The following ZKSCAN3 variants were observed in gnomAD, a reference collection of about 807,000 sequenced individuals.
ZKSCAN3 encodes zinc finger with KRAB and SCAN domains 3.
A neutral mutation model predicts 30.7 loss-of-function variants in ZKSCAN3; 21 were observed. The ratio of observed to expected loss-of-function variants is 0.68; its 90% confidence interval spans 0.49 to 0.99. The LOEUF is 0.99. Among genes scored for constraint, ZKSCAN3 ranks in the 50% least tolerant of loss-of-function variants. ZKSCAN3 has a pLI of 0.00. For synonymous variants in ZKSCAN3, 201 were observed against 246.7 expected (o/e 0.81, Z 1.73); for missense variants, 507 against 647.1 (o/e 0.78, Z 2.35).
Position 28,359,567 on chromosome 6 carries a change from G to T in ZKSCAN3, c.-20G>T. ...AGCGCTGGAAGCTAGAGTGAGGCCT[G>T]AGTACTGCCTTGGCCTAGGATGGCT... On this transcript the variant is annotated 5_prime_UTR_variant, in exon 2 of 6. Transcript: ENST00000252211. The T allele has an allele frequency of 6.2e-7, 1 of 1,607,550 alleles. No homozygotes were observed.
In ZKSCAN3 at chr6:28,366,508, G is replaced by C; in HGVS notation, c.*223G>C. The C allele has an allele frequency of 2.5e-6, 1 of 407,810 alleles. No homozygotes were observed. The highest frequency in any genetic ancestry group is 4.2e-6 in the Non-Finnish European group (1 of 237,140). The allele number at this position is 407,810 out of a possible 1,614,324, so 25.3% of individuals were successfully genotyped here. On this transcript the variant is annotated 3_prime_UTR_variant, in exon 6 of 6. Coordinates refer to ENST00000252211, the MANE Select transcript of ZKSCAN3 (RefSeq NM_024493.4). ...GAGGCTACGGGAGAGTTGTCTAGAA[G>C]AGGTAAGACCTGAAACTGTTTGTTC...
chr6:28,359,123 ACTTG>A (rs1291625704), intron 1 of ZKSCAN3, among the ~76,000 whole-genome samples: 1 of 152,004 alleles, frequency 6.6e-6, no homozygotes, highest in Non-Finnish European at 1.5e-5. Flanking sequence ...GTCAGTCTGG[ACTTG>A]CTATCTCATA....
At chr6:28,352,858 C>T (rs1765132414) in intron 1 of ZKSCAN3, among the ~76,000 whole-genome samples, 1 of 152,118 alleles carries the variant, frequency 6.6e-6, no homozygotes, top group African/African-American at 2.4e-5. Context: ...ATCCTTTGAA[C>T]TGTAGAGAGT....
Position 28,359,744 on chromosome 6 carries a change from G to T in ZKSCAN3, c.158G>T (p.Arg53Leu), listed in dbSNP as rs1204550714. ...TCCCGCGAGCGCTTCCGAGGCTTCC[G>T]CTACCCGGAGGCTGCAGGCCCCCGC... ...EGSRERFRGF[R>L]YPEAAGPREA... Residue 53 changes from arginine (R) to leucine (L), a missense_variant, in exon 2 of 6, where the codon CGC becomes CTC. Physicochemically the swap from Arg to Leu is moderately radical, Grantham distance 102. Transcript: ENST00000252211. 2.5e-6 allele frequency: 4 copies of T among 1,614,064 alleles called. No homozygotes were observed. In the African/African-American group the frequency reaches 5.3e-5, roughly 22 times the overall value.
intron 1 of ZKSCAN3, among the ~76,000 whole-genome samples, chr6:28,356,558 C>T (rs537388036): frequency 6.6e-6 from 1 of 152,324 alleles, no homozygotes; most frequent in South Asian, 2.1e-4. Context: ...TCTAGGCCCA[C>T]CCTTGGGGCC....
rs2113935113 is a variant in ZKSCAN3, at chr6:28,366,375, G to A, written c.*90G>A. On this transcript the variant is annotated 3_prime_UTR_variant, in exon 6 of 6. Coordinates refer to ENST00000252211, the MANE Select transcript of ZKSCAN3 (RefSeq NM_024493.4). ...TCTCAACTATAGAAATTGTGGGCTG[G>A]GCTTTATTTACCACTACACATTATC... 1 of 1,390,904 alleles carries A rather than the reference G, an allele frequency of 7.2e-7. No individual in the cohort carries two copies. Among genetic ancestry groups the A allele is most frequent in the South Asian group, 1.8e-5 (1 of 57,112 alleles). 86.2% of individuals were successfully genotyped at this position (1,390,904 alleles called of 1,614,324 possible).
At chr6:28,365,238 A>G (rs144109317) in intron 5 of ZKSCAN3, among the ~76,000 whole-genome samples, 188 bp from the exon 6 acceptor site, 116 of 151,976 alleles carry the variant, frequency 7.6e-4, no homozygotes, top group Non-Finnish European at 1.4e-3. Flanking sequence ...CAATGGCCCC[A>G]TTCCCATTCT....
At chr6:28,361,802 C>G (rs1765778399) in intron 3 of ZKSCAN3, among the ~76,000 whole-genome samples, 1 of 149,990 alleles carries the variant, frequency 6.7e-6, no homozygotes, top group African/African-American at 2.4e-5. Flanking sequence ...GGCTGGAGTG[C>G]AGTGGCACTC....
chr6:28,360,092 C>CT, intron 2 of ZKSCAN3, 104 bp downstream of exon 2: 18 of 1,586,790 alleles, frequency 1.1e-5, no homozygotes, highest in African/African-American at 1.3e-5. Context: ...TTCTTCATCT[C>CT]TTTTTTGTAC....
intron 5 of ZKSCAN3, among the ~76,000 whole-genome samples, chr6:28,364,290 C>T (rs1765875415): frequency 6.6e-6 from 1 of 152,152 alleles, no homozygotes; most frequent in Non-Finnish European, 1.5e-5. Context: ...CCTGCTTATC[C>T]CTTCTGACCT....
In ZKSCAN3 at chr6:28,361,344, G is replaced by A; in HGVS notation, c.423G>A (p.Gly141=). 2 of 1,612,918 alleles carry A rather than the reference G, an allele frequency of 1.2e-6. No homozygotes were observed. Among genetic ancestry groups the A allele is most frequent in the East Asian group, 2.2e-5 (1 of 44,838 alleles). The change falls in exon 3 of 6, where the codon GGG becomes GGA. Residue 141 remains glycine, a synonymous_variant. Transcript: ENST00000252211. ...TCTAGGTTTCAGGTGTTGACCAGGG[G>A]CAAGAACTGCTCTGTTGCAAGATGG... is the stretch of plus-strand genomic sequence containing the variant. ...PAPQVSGVDQ[G]QELLCCKMAL... is the part of the protein sequence containing the mutation.
Position 28,359,763 on chromosome 6 carries a change from C to G in ZKSCAN3, c.177C>G (p.Gly59=). 6.2e-7 allele frequency: 1 copy of G among 1,614,176 alleles called. No homozygotes were observed. Among genetic ancestry groups the G allele is most frequent in the Non-Finnish European group, 8.5e-7 (1 of 1,180,028 alleles). The part of the protein sequence containing the change: ...FRGFRYPEAA[G]PREALSRLRE... ...GCTTCCGCTACCCGGAGGCTGCAGGCCCCCGCGAGGCGCTGAGTCGGCTCC... is the reference window on the plus strand; with the variant it reads ...GCTTCCGCTACCCGGAGGCTGCAGGGCCCCGCGAGGCGCTGAGTCGGCTCC... Residue 59 remains glycine (G), a synonymous_variant, in exon 2 of 6, where the codon GGC becomes GGG. Transcript: ENST00000252211.
chr6:28,360,255 T>C, intron 2 of ZKSCAN3: 1 of 575,824 alleles, frequency 1.7e-6, no homozygotes, highest in South Asian at 2.1e-5. Flanking sequence ...AGTCATACTT[T>C]TTTTTATTAG....
At position 28,354,333 on chromosome 6, in the gene ZKSCAN3, T is replaced by A. The variant is rs1765277336; in HGVS notation, c.-63+4266T>A. 1.8e-5 allele frequency: 4 copies of A among 222,680 alleles called. No homozygotes were observed. In the South Asian group the frequency reaches 2.7e-4, roughly 15 times the overall value. The allele number at this position is 222,680 out of a possible 1,614,324, so 13.8% of individuals were successfully genotyped here. On this transcript the variant is annotated intron_variant, in intron 1 of 5. Transcript: ENST00000252211. ...GCGCCTGCGTTCCAAACTCGCTGAG[T>A]CACGCTGGCCTGCATATCTGCCTCG...
chr6:28,363,456 C>T, intron 4 of ZKSCAN3, 71 bp downstream of exon 4: 1 of 1,449,248 alleles, frequency 6.9e-7, no homozygotes, highest in Non-Finnish European at 9.6e-7. Flanking sequence ...ACTCCTCACT[C>T]CCCATTCCCC....
rs1408902291 is a variant in ZKSCAN3, at chr6:28,368,817, T to C, written c.*2532T>C. ...ATCACTTCTACTTATTGTAGAAATA[T>C]GCTTTCATTATTGCATCTACTCACA... On this transcript the variant is annotated 3_prime_UTR_variant, in exon 6 of 6. Transcript: ENST00000252211. 1 of 154,850 alleles carries C rather than the reference T, an allele frequency of 6.5e-6. No individual in the cohort carries two copies. The highest frequency in any genetic ancestry group is 2.4e-5 in the African/African-American group (1 of 41,524). 9.6% of individuals were successfully genotyped at this position (154,850 alleles called of 1,614,324 possible).
chr6:28,356,039 C>G (rs1765397548), intron 1 of ZKSCAN3: 1 of 152,344 alleles, frequency 6.6e-6, no homozygotes, highest in African/African-American at 2.4e-5. Context: ...GTTTCACTTT[C>G]ACTGACCAGC....
intron 3 of ZKSCAN3, among the ~76,000 whole-genome samples, chr6:28,362,584 T>A (rs1399230645): frequency 2.0e-5 from 3 of 152,126 alleles, no homozygotes; most frequent in Non-Finnish European, 4.4e-5. Flanking sequence ...AAAATTTGCT[T>A]CCTGAAGTTA....
intron 1 of ZKSCAN3, among the ~76,000 whole-genome samples, chr6:28,357,320 C>T (rs1387462057): frequency 6.6e-6 from 1 of 152,200 alleles, no homozygotes; most frequent in African/African-American, 2.4e-5. Flanking sequence ...GCCCTATCTG[C>T]TATCACTATC....
Sources: gnomAD v4.1 joint callset for allele counts (sites outside exome capture counted in the v4.1 genomes callset) on GRCh38, gnomAD v4.1.1 for gene constraint, MANE v1.5 for transcripts, NCBI Gene and HGNC (gene_info 2026-07-23, HGNC 2026-07-21) for gene names.